SLC12A5: variants seen among roughly 807,000 people sequenced by gnomAD.
The protein encoded by SLC12A5 is solute carrier family 12 member 5.
SLC12A5 carries 18 observed loss-of-function variants against 124.0 expected under a neutral mutation model. The observed-to-expected ratio is 0.15, with a 90% confidence interval of 0.10 to 0.22. SLC12A5 has a LOEUF of 0.22. Among genes scored for constraint, SLC12A5 ranks in the 10% least tolerant of loss-of-function variants. The probability of loss-of-function intolerance (pLI) is 1.00; values close to 1 mark genes in which losing one functional copy is unlikely to be tolerated. For synonymous variants in SLC12A5, 589 were observed against 568.0 expected, an observed-to-expected ratio of 1.04 and a Z score of -0.53; for missense variants, 867 against 1,478.7, an observed-to-expected ratio of 0.59 and a Z score of 6.78.
At chr20:46,041,639 C>A (rs771580365) in intron 8 of SLC12A5, 99 bp downstream of exon 8, 1 of 1,283,902 alleles carries the variant, frequency 7.8e-7, no homozygotes, top group African/African-American at 1.5e-5. Flanking sequence ...CAGCTAAATT[C>A]AATCAGCTTT....
rs1438656686 is a variant in SLC12A5, at chr20:46,035,675, G to A, written c.280-102G>A. On this transcript the variant is annotated intron_variant, in intron 3 of 25. Coordinates refer to ENST00000243964, the MANE Select transcript of SLC12A5 (RefSeq NM_020708.5). Reference sequence around the variant, plus strand: ...GAAGAGGGATGAAGGGTTGAGAATAGAGAGAAGAGGAAGGTGGGGGCAGAG... The same window carrying A: ...GAAGAGGGATGAAGGGTTGAGAATAAAGAGAAGAGGAAGGTGGGGGCAGAG... 6 of 1,518,462 alleles carry A rather than the reference G, an allele frequency of 4.0e-6. No individual in the cohort carries two copies. In the African/African-American group the frequency reaches 8.2e-5, roughly 21 times the overall value. The allele number at this position is 1,518,462 out of a possible 1,614,324, so 94.1% of individuals were successfully genotyped here.
intron 1 of SLC12A5, among the ~76,000 whole-genome samples, chr20:46,031,623 T>A (rs2084450025): frequency 6.6e-6 from 1 of 152,222 alleles, no homozygotes; most frequent in African/African-American, 2.4e-5. Context: ...CCTTGGGGTC[T>A]GACGCCCCGT....
chr20:46,037,062 A>G (rs2084505134), intron 5 of SLC12A5, among the ~76,000 whole-genome samples, 193 bp from the exon 6 acceptor site: 1 of 152,034 alleles, frequency 6.6e-6, no homozygotes, highest in African/African-American at 2.4e-5. Context: ...AATTAGCAAC[A>G]TGGTAATTAG....
chr20:46,023,982 C>T (rs1050909172), downstream of SLC12A5, among the ~76,000 whole-genome samples: 3 of 152,146 alleles, frequency 2.0e-5, no homozygotes, highest in Non-Finnish European at 4.4e-5. Context: ...AGGAATAAGA[C>T]GGCCCTCTCT....
At position 46,047,565 on chromosome 20, in the gene SLC12A5, G is replaced by A. The variant is rs984368300; in HGVS notation, c.1899G>A (p.Glu633=). The part of the protein sequence containing the change: ...LIAGLIYKYI[E]YRGAEKEWGD... Reference sequence around the variant, plus strand: ...CTGGACTCATCTACAAGTACATTGAGTACCGTGGGTGAGTGTGGGGAGTGG... The same window carrying A: ...CTGGACTCATCTACAAGTACATTGAATACCGTGGGTGAGTGTGGGGAGTGG... The change falls in exon 15 of 26, where the codon GAG becomes GAA. Residue 633 remains glutamate (E), a synonymous_variant. Transcript: ENST00000243964. 2 of 1,613,564 alleles carry A rather than the reference G, an allele frequency of 1.2e-6. No individual in the cohort carries two copies. The highest frequency in any genetic ancestry group is 1.3e-5 in the African/African-American group (1 of 74,866).
At chr20:46,041,928 G>GGC (rs1165168558) in intron 8 of SLC12A5, among the ~76,000 whole-genome samples, 1 of 152,102 alleles carries the variant, frequency 6.6e-6, no homozygotes, top group Non-Finnish European at 1.5e-5. Flanking sequence ...AGAATGCCCG[G>GGC]GGGGGGAGAG....
chr20:46,030,548 C>T (rs893090369), intron 1 of SLC12A5, among the ~76,000 whole-genome samples: 1 of 149,666 alleles, frequency 6.7e-6, no homozygotes, highest in Admixed American at 6.7e-5. Flanking sequence ...GGCGCTGCGT[C>T]CCCTGCGCAC....
At position 46,051,656 on chromosome 20, in the gene SLC12A5, T is replaced by A; in HGVS notation, c.2182-19T>A. 1.3e-6 allele frequency: 2 copies of A among 1,596,976 alleles called. No homozygotes were observed. Among genetic ancestry groups the A allele is most frequent in the Non-Finnish European group, 1.7e-6 (2 of 1,174,002 alleles). On this transcript the variant is annotated intron_variant, in intron 17 of 25. Coordinates refer to ENST00000243964, the MANE Select transcript of SLC12A5 (RefSeq NM_020708.5). ...CAGGGAGGCCTGAGGCTGGTCCTTG[T>A]CTTTTCCCCCTCCCCTAGTCTATCA...
At chr20:46,042,533 TG>T (rs923881533) in intron 8 of SLC12A5, among the ~76,000 whole-genome samples, 4 of 151,996 alleles carry the variant, frequency 2.6e-5, no homozygotes, top group Non-Finnish European at 5.9e-5. Context: ...TTGTCAAAAC[TG>T]GAGGGGTGTA....
In SLC12A5 at chr20:46,040,408, A is replaced by G; in HGVS notation, c.648A>G (p.Ala216=). ...YLFPAMAIFK[A]EDASGEAAAM... ...TCCCAGCCATGGCCATCTTCAAGGC[A>G]GAAGATGCCAGTGGGGAGGCAGCAG... is the stretch of plus-strand genomic sequence containing the variant. The change falls in exon 7 of 26, where the codon GCA becomes GCG. Residue 216 remains alanine (A), a synonymous_variant. Transcript: ENST00000243964. The G allele has an allele frequency of 6.2e-7, 1 of 1,614,224 alleles. No individual in the cohort carries two copies. Among genetic ancestry groups the G allele is most frequent in the Non-Finnish European group, 8.5e-7 (1 of 1,180,048 alleles).
In SLC12A5 at chr20:46,023,354, C is replaced by CT. The variant is rs1319009054; in HGVS notation, c.191-9dup. Reference sequence around the variant, plus strand: ...ATTCTGGAGCCATTCTCAACCCTTCCTTTTTTCTTTCCAGCAAATCCAACT... The same window carrying CT: ...ATTCTGGAGCCATTCTCAACCCTTCCTTTTTTTCTTTCCAGCAAATCCAACT... On this transcript the variant is annotated splice_polypyrimidine_tract_variant and intron_variant, in intron 2 of 2. Coordinates refer to the SLC12A5 transcript ENST00000413737. 6.3e-5 allele frequency: 25 copies of CT among 398,540 alleles called. No individual in the cohort carries two copies. In the South Asian group the frequency reaches 6.4e-4, roughly 10 times the overall value. 24.7% of individuals were successfully genotyped at this position (398,540 alleles called of 1,614,324 possible).
chr20:46,043,429 G>A lies in SLC12A5; in HGVS notation c.1237+106G>A, dbSNP rs531965543. 8 of 1,411,294 alleles carry A rather than the reference G, an allele frequency of 5.7e-6. No individual in the cohort carries two copies. The African/African-American group carries it at 5.7e-5, about 10-fold the overall frequency. The allele number at this position is 1,411,294 out of a possible 1,614,324, so 87.4% of individuals were successfully genotyped here. A position where few individuals can be genotyped will look rare whatever the true frequency, so the allele number is the denominator to read the frequency against. ...TTAGTCCAAAAACCCCATCATGAAA[G>A]CAACCGTAACATTTCACTTCCCATT... On this transcript the variant is annotated intron_variant, in intron 9 of 25. Transcript: ENST00000243964.
upstream of SLC12A5, among the ~76,000 whole-genome samples, chr20:46,025,441 A>G (rs769758104): frequency 2.0e-5 from 3 of 152,116 alleles, no homozygotes; most frequent in Non-Finnish European, 4.4e-5. Context: ...TGCAGTTGCC[A>G]TGGTGACAGG....
chr20:46,047,179 G>A (rs992542277), intron 14 of SLC12A5, among the ~76,000 whole-genome samples: 1 of 152,254 alleles, frequency 6.6e-6, no homozygotes, highest in African/African-American at 2.4e-5. Flanking sequence ...GGCCAGGCCT[G>A]TCTGGCAGGG....
intron 1 of SLC12A5, among the ~76,000 whole-genome samples, chr20:46,030,157 G>C (rs1189998914): frequency 6.6e-6 from 1 of 150,940 alleles, no homozygotes; most frequent in African/African-American, 2.4e-5. Flanking sequence ...CGGGAAGCAA[G>C]ATCACCCTCC....
At chr20:46,040,696 C>A in intron 7 of SLC12A5, 82 bp downstream of exon 7, 2 of 1,563,224 alleles carry the variant, frequency 1.3e-6, no homozygotes, top group Non-Finnish European at 1.7e-6. Flanking sequence ...AACTCCCCCT[C>A]CCTGCCCCTC....
chr20:46,040,261 G>A (rs1431547365), intron 6 of SLC12A5, 112 bp from the exon 7 acceptor site: 2 of 1,484,964 alleles, frequency 1.3e-6, no homozygotes, highest in Non-Finnish European at 1.8e-6. Context: ...GTCTTTTCCA[G>A]TCTGGTACCA....
chr20:46,051,076 G>A (rs921966913), intron 17 of SLC12A5, among the ~76,000 whole-genome samples: 11 of 152,162 alleles, frequency 7.2e-5, no homozygotes, highest in Non-Finnish European at 1.2e-4. Flanking sequence ...GGGGGTTGGA[G>A]TCAGACTTCC....
chr20:46,035,089 G>A (rs368275764), intron 2 of SLC12A5, 47 bp downstream of exon 2: 17 of 1,582,658 alleles, frequency 1.1e-5, no homozygotes, highest in Non-Finnish European at 1.4e-5. Flanking sequence ...TCATTATCCT[G>A]ATTCATCAGC....
Sources: allele counts gnomAD v4.1 joint callset (sites outside exome capture counted in the v4.1 genomes callset), GRCh38; gene constraint gnomAD v4.1.1; transcripts MANE v1.5; gene names NCBI Gene and HGNC (gene_info 2026-07-23, HGNC 2026-07-21).